GALNTL6: variants seen among roughly 807,000 people sequenced by gnomAD.
GALNTL6 encodes polypeptide N-acetylgalactosaminyltransferase like 6.
A neutral mutation model predicts 73.7 loss-of-function variants in GALNTL6; 46 were observed. The ratio of observed to expected loss-of-function variants is 0.62; its 90% CI spans 0.49 to 0.80. The LOEUF (loss-of-function observed/expected upper bound fraction) is 0.80, where lower values mean the gene tolerates loss of function less well. Among genes scored for constraint, GALNTL6 ranks in the 30% least tolerant of loss-of-function variants. The probability of loss-of-function intolerance (pLI) is 0.00; values close to 1 mark genes in which losing one functional copy is unlikely to be tolerated. For synonymous variants in GALNTL6, 259 were observed against 263.7 expected (o/e 0.98, Z 0.17); for missense variants, 604 against 755.0 (o/e 0.80, Z 2.34).
Position 172,463,381 on chromosome 4 carries a change from G to A in GALNTL6, c.553+114692G>A, listed in dbSNP as rs564755976. ...TTAAGTAAAACCTGAAGGAAGACTA[G>A]TAGTCAGACTTTTGGATGTGTCAGG... On this transcript the variant is annotated intron_variant, in intron 5 of 12. Coordinates refer to ENST00000506823, the MANE Select transcript of GALNTL6 (RefSeq NM_001034845.3). 4.8e-4 allele frequency among the ~76,000 whole-genome samples: 72 copies of A among 151,340 alleles called. 2 individuals are homozygous for A. The South Asian group carries it at 0.015, about 32-fold the overall frequency.
chr4:172,931,145 A>AT lies in GALNTL6; in HGVS notation c.1042-11dup. 7.1e-7 allele frequency: 1 copy of AT among 1,399,874 alleles called. No individual in the cohort carries two copies. The highest frequency in any genetic ancestry group is 1.0e-6 in the Non-Finnish European group (1 of 984,740). 86.7% of individuals were successfully genotyped at this position (1,399,874 alleles called of 1,614,324 possible). Reference sequence around the variant, plus strand: ...GAAATTCACTGTTGTCTTTTGTTCTATTTTTCCCTCTTCAGGTTTGGATGT... The same window carrying AT: ...GAAATTCACTGTTGTCTTTTGTTCTATTTTTTCCCTCTTCAGGTTTGGATGT... On this transcript the variant is annotated splice_polypyrimidine_tract_variant and intron_variant, in intron 8 of 12. Coordinates refer to ENST00000506823, the MANE Select transcript of GALNTL6 (RefSeq NM_001034845.3).
chr4:172,522,394 G>A (rs893378239), intron 5 of GALNTL6, among the ~76,000 whole-genome samples: 4 of 151,956 alleles, frequency 2.6e-5, no homozygotes, highest in Non-Finnish European at 4.4e-5. Flanking sequence ...ATTTTAGGCC[G>A]GGCTTGTGGC....
intron 3 of GALNTL6, among the ~76,000 whole-genome samples, chr4:172,238,893 T>A (rs1737327497): frequency 6.6e-6 from 1 of 152,222 alleles, no homozygotes. Flanking sequence ...CTTTATGTGA[T>A]GAATCACATT....
intron 5 of GALNTL6, among the ~76,000 whole-genome samples, chr4:172,449,616 C>A (rs897104444): frequency 3.3e-5 from 5 of 152,202 alleles, no homozygotes; most frequent in African/African-American, 1.2e-4. Context: ...TTTTGATTTT[C>A]TGTCTACAAC....
At chr4:171,834,765 G>T (rs931542011) in intron 2 of GALNTL6, among the ~76,000 whole-genome samples, 2 of 151,914 alleles carry the variant, frequency 1.3e-5, no homozygotes, top group African/African-American at 4.8e-5. Context: ...GGCAAGAGGG[G>T]TAAAGGACGA....
intron 2 of GALNTL6, among the ~76,000 whole-genome samples, chr4:172,107,695 AG>A (rs527853935): frequency 2.3e-3 from 229 of 100,566 alleles, no homozygotes; most frequent in African/African-American, 8.3e-3. Flanking sequence ...GGGAGGGGGG[AG>A]GGATAGCATT....
At chr4:172,414,782 A>G (rs1744566270) in intron 5 of GALNTL6, among the ~76,000 whole-genome samples, 1 of 152,158 alleles carries the variant, frequency 6.6e-6, no homozygotes. Flanking sequence ...GACTTTACTC[A>G]TCATATGGTT....
intron 2 of GALNTL6, among the ~76,000 whole-genome samples, chr4:172,179,729 C>G (rs1026210832): frequency 6.6e-6 from 1 of 151,380 alleles, no homozygotes; most frequent in African/African-American, 2.4e-5. Flanking sequence ...GAAGTCCTTG[C>G]CCATGCCTAT....
At chr4:172,747,931 C>CAG (rs538469305) in intron 5 of GALNTL6, among the ~76,000 whole-genome samples, 122 of 150,718 alleles carry the variant, frequency 8.1e-4, no homozygotes, top group African/African-American at 2.3e-3. Flanking sequence ...AAGCCAGGCA[C>CAG]AGAGAGACAA....
At chr4:171,849,559 AATT>A (rs1237169819) in intron 2 of GALNTL6, among the ~76,000 whole-genome samples, 6 of 152,220 alleles carry the variant, frequency 3.9e-5, no homozygotes, top group African/African-American at 1.4e-4. Flanking sequence ...TCTTGTAAGC[AATT>A]ATTAAGAAAA....
chr4:172,392,198 A>G, intron 5 of GALNTL6, among the ~76,000 whole-genome samples: 1 of 152,104 alleles, frequency 6.6e-6, no homozygotes, highest in Non-Finnish European at 1.5e-5. Context: ...CATATTGGTC[A>G]GGCTGGTCTC....
At chr4:171,959,660 G>A (rs951623979) in intron 2 of GALNTL6, among the ~76,000 whole-genome samples, 3 of 152,108 alleles carry the variant, frequency 2.0e-5, no homozygotes, top group South Asian at 4.1e-4. Flanking sequence ...AGACCATCCT[G>A]GGCAACACAG....
At chr4:172,859,259 T>G (rs940911701) in intron 7 of GALNTL6, among the ~76,000 whole-genome samples, 1 of 151,810 alleles carries the variant, frequency 6.6e-6, no homozygotes, top group African/African-American at 2.4e-5. Flanking sequence ...TGAAGGAAAA[T>G]TATTATAGTT....
At chr4:171,998,872 T>C (rs977065376) in intron 2 of GALNTL6, among the ~76,000 whole-genome samples, 3 of 152,154 alleles carry the variant, frequency 2.0e-5, no homozygotes, top group African/African-American at 7.2e-5. Flanking sequence ...CCCATTACCC[T>C]GGCTCCGATC....
Position 172,728,144 on chromosome 4 carries a change from C to T in GALNTL6, c.554-81217C>T, listed in dbSNP as rs192659164. Among the ~76,000 whole-genome samples the T allele has an allele frequency of 1.7e-3, 262 of 152,302 alleles. 1 individual carries two copies. The highest frequency in any genetic ancestry group is 6.1e-3 in the African/African-American group (255 of 41,554). On this transcript the variant is annotated intron_variant, in intron 5 of 12. Transcript: ENST00000506823. ...GGCCAGGATGGTCTTGATTTCCTGA[C>T]CTTGGCCTCCCAAAGTGCTGGGATT...
chr4:172,345,651 A>G (rs577901701), intron 4 of GALNTL6, among the ~76,000 whole-genome samples: 1 of 152,322 alleles, frequency 6.6e-6, no homozygotes, highest in East Asian at 1.9e-4. Context: ...CAAAGAGACT[A>G]TACCAAATGA....
At chr4:171,935,711 A>G (rs538964340) in intron 2 of GALNTL6, among the ~76,000 whole-genome samples, 46 of 152,238 alleles carry the variant, frequency 3.0e-4, no homozygotes, top group African/African-American at 1.1e-3. Context: ...CACTTTTACC[A>G]CATGCATCAG....
intron 5 of GALNTL6, among the ~76,000 whole-genome samples, chr4:172,594,932 C>A (rs1351209543): frequency 6.6e-6 from 1 of 152,122 alleles, no homozygotes; most frequent in Admixed American, 6.5e-5. Context: ...CTGTAGTTCT[C>A]ACATTTTTAG....
At chr4:171,837,878 A>G (rs1735137723) in intron 2 of GALNTL6, among the ~76,000 whole-genome samples, 1 of 150,592 alleles carries the variant, frequency 6.6e-6, no homozygotes, top group African/African-American at 2.4e-5. Flanking sequence ...TACTCTCAAA[A>G]CTCCAGCAAA....
Sources: allele counts gnomAD v4.1 joint callset (sites outside exome capture counted in the v4.1 genomes callset), GRCh38; gene constraint gnomAD v4.1.1; transcripts MANE v1.5; gene names NCBI Gene and HGNC (gene_info 2026-07-23, HGNC 2026-07-21).